Variants in ZCCHC7 observed in about 807,000 individuals in gnomAD.
ZCCHC7 encodes the protein zinc finger CCHC domain-containing protein 7.
In ZCCHC7, 35 loss-of-function variants were observed where a neutral mutation model predicts 52.0. The observed-to-expected ratio is 0.67, with a 90% CI of 0.51 to 0.89. ZCCHC7 has a LOEUF of 0.89. Ranked by LOEUF, ZCCHC7 falls within the 40% of genes least tolerant of loss-of-function variation. ZCCHC7 has a pLI of 0.00. For missense variants in ZCCHC7, 574 were observed against 649.1 expected (o/e 0.88, Z 1.26); for synonymous variants, 217 against 221.5 (o/e 0.98, Z 0.18).
chr9:37,257,885 G>A (rs569879850), intron 2 of ZCCHC7, among the ~76,000 whole-genome samples: 2 of 152,284 alleles, frequency 1.3e-5, no homozygotes, highest in East Asian at 3.9e-4. Flanking sequence ...CTGCTGAAGA[G>A]TGAACCAAAT....
At chr9:37,232,373 G>A (rs1588521595) in intron 2 of ZCCHC7, among the ~76,000 whole-genome samples, 1 of 152,252 alleles carries the variant, frequency 6.6e-6, no homozygotes, top group East Asian at 1.9e-4. Context: ...TAGTTTTATT[G>A]TACTCCCCCT....
At chr9:37,221,514 G>A (rs949920251) in intron 2 of ZCCHC7, among the ~76,000 whole-genome samples, 5 of 152,180 alleles carry the variant, frequency 3.3e-5, no homozygotes, top group Admixed American at 2.6e-4. Context: ...GAGACAAAGT[G>A]TGGAACATTT....
chr9:37,299,349 G>C (rs1206610870), intron 2 of ZCCHC7, among the ~76,000 whole-genome samples: 3 of 152,182 alleles, frequency 2.0e-5, no homozygotes, highest in Non-Finnish European at 4.4e-5. Context: ...CCAGTAATGA[G>C]AGAAAATTAG....
At chr9:37,272,990 C>T (rs78351833) in intron 2 of ZCCHC7, among the ~76,000 whole-genome samples, 7,720 of 152,236 alleles carry the variant, frequency 0.051, 638 homozygotes, top group African/African-American at 0.17. Context: ...GTGCATATCT[C>T]TTGGTGCATG....
intron 2 of ZCCHC7, among the ~76,000 whole-genome samples, chr9:37,267,820 C>T (rs1470233069): frequency 2.0e-5 from 3 of 152,062 alleles, no homozygotes; most frequent in Non-Finnish European, 4.4e-5. Flanking sequence ...CCACCCGCCT[C>T]GGCCTCCCAG....
chr9:37,227,562 C>T (rs1450263903), intron 2 of ZCCHC7, among the ~76,000 whole-genome samples: 1 of 152,174 alleles, frequency 6.6e-6, no homozygotes, highest in African/African-American at 2.4e-5. Flanking sequence ...ACCTTACCAT[C>T]CAACCCAGGA....
At chr9:37,198,862 G>T (rs1012036285) in intron 2 of ZCCHC7, among the ~76,000 whole-genome samples, 3 of 152,150 alleles carry the variant, frequency 2.0e-5, no homozygotes, top group African/African-American at 7.2e-5. Context: ...TCAAAGACTC[G>T]TGTTCAATAC....
intron 5 of ZCCHC7, chr9:37,327,516 A>T (rs1300785916): frequency 5.5e-6 from 2 of 362,262 alleles, no homozygotes; most frequent in East Asian, 4.3e-5. Context: ...TAACTGAGTT[A>T]TGGCTCTTTA....
intron 8 of ZCCHC7, 90 bp from the exon 9 acceptor site, chr9:37,356,745 T>G: frequency 8.2e-7 from 1 of 1,215,690 alleles, no homozygotes. Flanking sequence ...AATATCTAGC[T>G]TCCCTGTCTG....
chr9:37,350,858 T>C (rs1168713839), intron 7 of ZCCHC7, among the ~76,000 whole-genome samples: 1 of 152,212 alleles, frequency 6.6e-6, no homozygotes, highest in East Asian at 1.9e-4. Context: ...AATGTATTAT[T>C]CCCAGTCTCC....
intron 2 of ZCCHC7, among the ~76,000 whole-genome samples, chr9:37,211,157 C>A (rs1824193443): frequency 6.6e-6 from 1 of 152,148 alleles, no homozygotes; most frequent in Admixed American, 6.5e-5. Flanking sequence ...TTCGCATGAT[C>A]AAAACGTTTA....
At chr9:37,159,931 CTT>C (rs1660586790) in intron 2 of ZCCHC7, among the ~76,000 whole-genome samples, 1 of 152,162 alleles carries the variant, frequency 6.6e-6, no homozygotes, top group Non-Finnish European at 1.5e-5. Context: ...AAACTTGAAA[CTT>C]AACACAATAA....
chr9:37,139,515 T>G (rs1843132548), intron 2 of ZCCHC7, among the ~76,000 whole-genome samples: 1 of 152,036 alleles, frequency 6.6e-6, no homozygotes, highest in Admixed American at 6.6e-5. Flanking sequence ...TATTTTAAAG[T>G]GGATCTTGTC....
intron 2 of ZCCHC7, among the ~76,000 whole-genome samples, chr9:37,152,898 A>C (rs1428970311): frequency 6.6e-6 from 1 of 152,174 alleles, no homozygotes; most frequent in East Asian, 1.9e-4. Context: ...TTGAGGGTGA[A>C]ATATCTATAA....
At chr9:37,249,919 A>G (rs1160829304) in intron 2 of ZCCHC7, among the ~76,000 whole-genome samples, 2 of 152,142 alleles carry the variant, frequency 1.3e-5, no homozygotes, top group East Asian at 3.9e-4. Context: ...GTGCTGAAGG[A>G]AAATGATGGC....
chr9:37,286,118 C>T (rs1828196751), intron 2 of ZCCHC7, among the ~76,000 whole-genome samples: 1 of 151,934 alleles, frequency 6.6e-6, no homozygotes. Context: ...GAAATGAGTA[C>T]CAGTAATTTT....
chr9:37,345,235 A>G (rs1264522609), intron 6 of ZCCHC7, among the ~76,000 whole-genome samples: 1 of 152,202 alleles, frequency 6.6e-6, no homozygotes, highest in Non-Finnish European at 1.5e-5. Flanking sequence ...CATATCTATG[A>G]CATCATCTCT....
At chr9:37,136,678 T>G (rs1038878056) in intron 2 of ZCCHC7, among the ~76,000 whole-genome samples, 4 of 152,202 alleles carry the variant, frequency 2.6e-5, no homozygotes, top group Non-Finnish European at 5.9e-5. Flanking sequence ...TTCACCATGT[T>G]GCTCATGTTG....
intron 2 of ZCCHC7, among the ~76,000 whole-genome samples, chr9:37,260,174 C>T (rs1429633571): frequency 6.6e-6 from 1 of 152,202 alleles, no homozygotes; most frequent in Non-Finnish European, 1.5e-5. Context: ...AATATTTGCG[C>T]ATATACTGTT....
Sources: allele counts gnomAD v4.1 joint callset (sites outside exome capture counted in the v4.1 genomes callset), GRCh38; gene constraint gnomAD v4.1.1; transcripts MANE v1.5; gene names NCBI Gene and HGNC (gene_info 2026-07-23, HGNC 2026-07-21).